The following OR6Y1 variants were observed in gnomAD, a reference collection of about 807,000 sequenced individuals.
The protein encoded by OR6Y1 is olfactory receptor family 6 subfamily Y member 1.
OR6Y1 carries 1 observed loss-of-function variant against 0.4 expected under a neutral mutation model. The ratio of observed to expected loss-of-function variants is 2.74; its 90% CI spans 0.97 to 13.02. The LOEUF (loss-of-function observed/expected upper bound fraction) is 13.02, where lower values mean the gene tolerates loss of function less well. OR6Y1 is among the 30% of genes most tolerant of loss of function. The pLI is 0.12. For synonymous variants in OR6Y1, 173 were observed against 141.1 expected (o/e 1.23, Z -1.60); for missense variants, 480 against 399.8 (o/e 1.20, Z -1.71).
At chr1:158,553,930 T>G (rs1389545708) in intron 1 of OR6Y1, among the ~76,000 whole-genome samples, 1 of 152,190 alleles carries the variant, frequency 6.6e-6, no homozygotes, top group Non-Finnish European at 1.5e-5. Context: ...AGTCTTAAAA[T>G]GACATGAGAA....
rs1186860172 is a variant in OR6Y1 at position 158,547,568 on chromosome 1, T to A, written c.538A>T (p.Asn180Tyr). The stretch of plus-strand genomic sequence containing the variant: ...GGAGAGATATCACAAAAGTAGTGAT[T>A]GATCTGAGGCATGCCACAGTAGTGA... ...QLHYCGMPQI[N>Y]HYFCDISPLL... Residue 180 changes from asparagine (N) to tyrosine (Y), a missense_variant, in exon 2 of 2, where the codon AAT (asparagine) becomes TAT (tyrosine). By Grantham distance (143) the Asn-to-Tyr change is moderately radical. Transcript: ENST00000641622. 1 of 1,613,120 alleles carries A rather than the reference T, an allele frequency of 6.2e-7. No individual in the cohort carries two copies. The highest frequency in any genetic ancestry group is 8.5e-7 in the Non-Finnish European group (1 of 1,179,898).
rs1647587612 is a variant in OR6Y1, at chr1:158,547,720, A to G, written c.386T>C (p.Val129Ala). Reference protein sequence around the residue: ...LLAIMAFDRYVAICNPLRYPV... With the variant: ...LLAIMAFDRYAAICNPLRYPV... Reference sequence around the variant, plus strand: ...GTAGCGTAGTGGATTACAAATGGCTACATAGCGGTCAAAGGCCATGATAGC... The same window carrying G: ...GTAGCGTAGTGGATTACAAATGGCTGCATAGCGGTCAAAGGCCATGATAGC... Residue 129 changes from valine to alanine, a missense_variant, in exon 2 of 2, where the codon GTA becomes GCA. Transcript: ENST00000641622. 1.2e-6 allele frequency: 2 copies of G among 1,613,536 alleles called. No homozygotes were observed. The highest frequency in any genetic ancestry group is 2.7e-5 in the African/African-American group (2 of 74,464).
chr1:158,547,425 AAGGAT>A lies in OR6Y1; in HGVS notation c.676_680del (p.Ile226CysfsTer74). The A allele has an allele frequency of 1.2e-6, 2 of 1,613,638 alleles. No homozygotes were observed. Among genetic ancestry groups the A allele is most frequent in the Non-Finnish European group, 8.5e-7 (1 of 1,180,018 alleles). On this transcript the variant is annotated frameshift_variant, in exon 2 of 2. Coordinates refer to ENST00000641622, the MANE Select transcript of OR6Y1 (RefSeq NM_001005189.2). LOFTEE classifies it high-confidence loss of function. ...CAGAAGGGATCCTGAGGATGGTGGCAAGGATAGCAGCGTAGGATGCCACCACAACA... is the reference window on the plus strand; with the variant it reads ...CAGAAGGGATCCTGAGGATGGTGGCAAGCAGCGTAGGATGCCACCACAACA...
Position 158,547,071 on chromosome 1 carries a change from G to A in OR6Y1, c.*57C>T. 1 of 1,527,074 alleles carries A rather than the reference G, an allele frequency of 6.5e-7. No individual in the cohort carries two copies. Among genetic ancestry groups the A allele is most frequent in the Middle Eastern group, 2.2e-4 (1 of 4,634 alleles). The allele number at this position is 1,527,074 out of a possible 1,614,324, so 94.6% of individuals were successfully genotyped here. A position where few individuals can be genotyped will look rare whatever the true frequency, so the allele number is the denominator to read the frequency against. On this transcript the variant is annotated 3_prime_UTR_variant, in exon 2 of 2. Coordinates refer to ENST00000641622, the MANE Select transcript of OR6Y1 (RefSeq NM_001005189.2). ...GGGATAACCAAAGACAAGACTGAGG[G>A]GGAAAGTGTGTAGTGATCATCTCTC...
rs747810419 is a variant in OR6Y1 at position 158,547,224 on chromosome 1, A to C, written c.882T>G (p.Ile294Met). 2.5e-6 allele frequency: 4 copies of C among 1,613,502 alleles called. No individual in the cohort carries two copies. Among genetic ancestry groups the C allele is most frequent in the Non-Finnish European group, 3.4e-6 (4 of 1,179,958 alleles). The part of the protein sequence containing the change: ...TVIVPLLNPI[I>M]YCLRNHEVKA... Reference sequence around the variant, plus strand: ...TTACTTCATGGTTCCTCAGACAGTAAATGATGGGGTTGAGGAGTGGAACAA... The same window carrying C: ...TTACTTCATGGTTCCTCAGACAGTACATGATGGGGTTGAGGAGTGGAACAA... Residue 294 changes from isoleucine (I) to methionine (M), a missense_variant, in exon 2 of 2, where the codon ATT (isoleucine) becomes ATG (methionine). Coordinates refer to ENST00000641622, the MANE Select transcript of OR6Y1 (RefSeq NM_001005189.2).
Position 158,550,939 on chromosome 1 carries a change from A to G in OR6Y1, c.-1432-1402T>C, listed in dbSNP as rs1459250433. Among the ~76,000 whole-genome samples, 3 of 151,914 alleles carry G rather than the reference A, an allele frequency of 2.0e-5. 1 individual carries two copies. The highest frequency in any genetic ancestry group is 7.3e-5 in the African/African-American group (3 of 41,180). Reference sequence around the variant, plus strand: ...CACATCATTCTATCTGATGTTCACCATCATGGAATTAGCACCAATGTCACA... The same window carrying G: ...CACATCATTCTATCTGATGTTCACCGTCATGGAATTAGCACCAATGTCACA... On this transcript the variant is annotated intron_variant, in intron 1 of 1. Transcript: ENST00000641622.
At chr1:158,552,748 A>C (rs1053711937) in intron 1 of OR6Y1, among the ~76,000 whole-genome samples, 1 of 152,158 alleles carries the variant, frequency 6.6e-6, no homozygotes, top group Admixed American at 6.5e-5. Flanking sequence ...CTTGTGCTCA[A>C]TCTAGTCTTC....
Position 158,547,758 on chromosome 1 carries a change from C to T in OR6Y1, c.348G>A (p.Glu116=), listed in dbSNP as rs1207279241. The T allele has an allele frequency of 1.2e-6, 2 of 1,613,394 alleles. No homozygotes were observed. The highest frequency in any genetic ancestry group is 1.3e-5 in the African/African-American group (1 of 74,374). ...AGGCCATGATAGCAAGAAGGATGTA[C>T]TCAGTGCAGACAAAGGTCACAAAAA... ...LYFFVTFVCT[E]YILLAIMAFD... The change falls in exon 2 of 2, where the codon GAG becomes GAA. Residue 116 remains glutamate, a synonymous_variant. Transcript: ENST00000641622.
Position 158,546,950 on chromosome 1 carries a change from C to A in OR6Y1, c.*178G>T, listed in dbSNP as rs146452879. 800 of 557,550 alleles carry A rather than the reference C, an allele frequency of 1.4e-3. 2 individuals carry two copies. The highest frequency in any genetic ancestry group is 0.014 in the African/African-American group (723 of 52,446). The allele number at this position is 557,550 out of a possible 1,614,324, so 34.5% of individuals were successfully genotyped here. A position where few individuals can be genotyped will look rare whatever the true frequency, so the allele number is the denominator to read the frequency against. ...CTCAGCCTGATACCAGAGGTTACTT[C>A]TTGAGAACATGTTTCTCCAGTCATG... On this transcript the variant is annotated 3_prime_UTR_variant, in exon 2 of 2. Coordinates refer to ENST00000641622, the MANE Select transcript of OR6Y1 (RefSeq NM_001005189.2).
rs147962328 is a variant in OR6Y1, at chr1:158,552,147, C to CT, written c.-1433+2118dup. 6.1e-3 allele frequency among the ~76,000 whole-genome samples: 926 copies of CT among 151,516 alleles called. 10 individuals are homozygous for CT. Among genetic ancestry groups the CT allele is most frequent in the African/African-American group, 0.021 (875 of 41,292 alleles). On this transcript the variant is annotated intron_variant, in intron 1 of 1. Coordinates refer to ENST00000641622, the MANE Select transcript of OR6Y1 (RefSeq NM_001005189.2). ...GTCCATTAAACCTCCAATTGCCCCCCTCATCACCCCCATTACCCCTGTCTC... is the reference window on the plus strand; with the variant it reads ...GTCCATTAAACCTCCAATTGCCCCCCTTCATCACCCCCATTACCCCTGTCTC...
chr1:158,546,443 T>C lies in OR6Y1; in HGVS notation c.*685A>G, dbSNP rs1647534991. On this transcript the variant is annotated 3_prime_UTR_variant, in exon 2 of 2. Transcript: ENST00000641622. ...TTGGTATATGTTATTATAACATTAA[T>C]AATAAAAATTAGTAATAGTTTTCAC... 1 of 152,224 alleles carries C rather than the reference T, an allele frequency of 6.6e-6. No individual in the cohort carries two copies. The highest frequency in any genetic ancestry group is 1.5e-5 in the Non-Finnish European group (1 of 68,040). 9.4% of individuals were successfully genotyped at this position (152,224 alleles called of 1,614,324 possible).
At position 158,547,996 on chromosome 1, in the gene OR6Y1, A is replaced by T. The variant is rs746184264; in HGVS notation, c.110T>A (p.Leu37Gln). 2.8e-5 allele frequency: 45 copies of T among 1,613,468 alleles called. No homozygotes were observed. Among genetic ancestry groups the T allele is most frequent in the Non-Finnish European group, 3.6e-5 (43 of 1,179,990 alleles). Residue 37 changes from leucine (L) to glutamine (Q), a missense_variant, in exon 2 of 2, where the codon CTG becomes CAG. Transcript: ENST00000641622. Reference protein sequence around the residue: ...AFQLLFFSIFLATYLLTLLEN... With the variant: ...AFQLLFFSIFQATYLLTLLEN... Reference sequence around the variant, plus strand: ...CAGCAGTGTCAGCAGATAGGTTGCCAGGAAAATGGAGAAAAAGAGAAGCTG... The same window carrying T: ...CAGCAGTGTCAGCAGATAGGTTGCCTGGAAAATGGAGAAAAAGAGAAGCTG...
Position 158,545,296 on chromosome 1 carries a change from G to A in OR6Y1, c.*1832C>T, listed in dbSNP as rs1383507974. On this transcript the variant is annotated 3_prime_UTR_variant, in exon 2 of 2. Coordinates refer to ENST00000641622, the MANE Select transcript of OR6Y1 (RefSeq NM_001005189.2). The stretch of plus-strand genomic sequence containing the variant: ...ACCAGTTAGAATGGCTATTATTATG[G>A]ACACAGGAACATCACACTCCGGGGA... 2 of 129,872 alleles carry A rather than the reference G, an allele frequency of 1.5e-5. No homozygotes were observed. The highest frequency in any genetic ancestry group is 2.6e-4 in the South Asian group (1 of 3,802). 8.0% of individuals were successfully genotyped at this position (129,872 alleles called of 1,614,324 possible).
In OR6Y1 at chr1:158,546,408, A is replaced by G. The variant is rs886290885; in HGVS notation, c.*720T>C. On this transcript the variant is annotated 3_prime_UTR_variant, in exon 2 of 2. Transcript: ENST00000641622. ...TAAGTTTATTTTAAAGTGTTTTTTA[A>G]TATTTAAGGTTGGTATATGTTATTA... The G allele has an allele frequency of 2.6e-5, 4 of 152,088 alleles. No individual in the cohort carries two copies. Among genetic ancestry groups the G allele is most frequent in the African/African-American group, 9.7e-5 (4 of 41,400 alleles). 9.4% of individuals were successfully genotyped at this position (152,088 alleles called of 1,614,324 possible).
chr1:158,551,539 C>A (rs1647703694), intron 1 of OR6Y1, among the ~76,000 whole-genome samples: 1 of 151,590 alleles, frequency 6.6e-6, no homozygotes, highest in Non-Finnish European at 1.5e-5. Flanking sequence ...TTATACAATT[C>A]ATTCAATTTA....
chr1:158,550,717 C>G (rs1482788343), intron 1 of OR6Y1, among the ~76,000 whole-genome samples: 1 of 151,782 alleles, frequency 6.6e-6, no homozygotes, highest in Non-Finnish European at 1.5e-5. Flanking sequence ...GTCTGAGTCA[C>G]ATCCCAGTGC....
intron 1 of OR6Y1, among the ~76,000 whole-genome samples, chr1:158,552,163 C>T (rs1399974114): frequency 6.6e-6 from 1 of 151,024 alleles, no homozygotes. Flanking sequence ...ACCCCCATTA[C>T]CCCTGTCTCA....
chr1:158,549,747 A>G (rs1315128044), intron 1 of OR6Y1, among the ~76,000 whole-genome samples: 1 of 151,838 alleles, frequency 6.6e-6, no homozygotes. Context: ...GCAGCTTGGT[A>G]TTCACTAGGC....
rs541428180 is a variant in OR6Y1, at chr1:158,549,338, C to A, written c.-1233G>T. 1 of 151,784 alleles carries A rather than the reference C, an allele frequency of 6.6e-6. No individual in the cohort carries two copies. The highest frequency in any genetic ancestry group is 6.6e-5 in the Admixed American group (1 of 15,244). 9.4% of individuals were successfully genotyped at this position (151,784 alleles called of 1,614,324 possible). On this transcript the variant is annotated 5_prime_UTR_variant, in exon 2 of 2. The change creates a premature stop within an existing upstream ORF in the 5' untranslated region. Coordinates refer to ENST00000641622, the MANE Select transcript of OR6Y1 (RefSeq NM_001005189.2). The stretch of plus-strand genomic sequence containing the variant: ...TGCTCTGTGTCCTATTGCTTCAATT[C>A]TCTTTTCTGCTCTTCTCCAGAGCCA...
Sources: allele counts gnomAD v4.1 joint callset (sites outside exome capture counted in the v4.1 genomes callset), GRCh38; gene constraint gnomAD v4.1.1; transcripts MANE v1.5; gene names NCBI Gene and HGNC (gene_info 2026-07-23, HGNC 2026-07-21).